PLEKHG1: variants seen among roughly 807,000 people sequenced by gnomAD.
PLEKHG1 encodes pleckstrin homology and RhoGEF domain containing G1, also known as pleckstrin homology domain-containing family G member 1.
PLEKHG1 carries 44 observed loss-of-function variants against 100.8 expected under a neutral mutation model. The observed-to-expected ratio is 0.44, with a 90% CI of 0.34 to 0.56. The LOEUF is 0.56. PLEKHG1 is among the 20% of genes least tolerant of loss of function. The pLI, the probability that PLEKHG1 is intolerant of heterozygous loss-of-function variation, is 0.01. For synonymous variants in PLEKHG1, 640 were observed against 662.5 expected (o/e 0.97, Z 0.52); for missense variants, 1,545 against 1,720.9 (o/e 0.90, Z 1.81).
intron 3 of PLEKHG1, among the ~76,000 whole-genome samples, chr6:150,779,363 T>TTTTTTTTTTTTTA: frequency 7.2e-6 from 1 of 138,678 alleles, no homozygotes; most frequent in African/African-American, 3.0e-5. Context: ...TTTTTTTTTT[T>TTTTTTTTTTTTTA]GAGACAGAGT....
intron 6 of PLEKHG1, 26 bp from the exon 8 acceptor site, chr6:150,804,584 A>C (rs1486559547): frequency 6.4e-7 from 1 of 1,552,664 alleles, no homozygotes; most frequent in Non-Finnish European, 8.7e-7. Context: ...GAAAAAAAAA[A>C]AAACCCTCGT....
intron 3 of PLEKHG1, among the ~76,000 whole-genome samples, chr6:150,712,053 C>A (rs1781258838): frequency 6.6e-6 from 1 of 152,168 alleles, no homozygotes; most frequent in Non-Finnish European, 1.5e-5. Flanking sequence ...ATTAGCTCAG[C>A]TGGTTCAAAC....
At chr6:150,648,907 T>G (rs76077246) in intron 2 of PLEKHG1, among the ~76,000 whole-genome samples, 1 of 152,148 alleles carries the variant, frequency 6.6e-6, no homozygotes, top group African/African-American at 2.4e-5. Context: ...TTTCATCTTT[T>G]CTGTTTCTGT....
intron 1 of PLEKHG1, among the ~76,000 whole-genome samples, chr6:150,602,897 C>T (rs12661737): frequency 0.72 from 109,258 of 151,322 alleles, 39,980 homozygotes; most frequent in Non-Finnish European, 0.79. Flanking sequence ...CTGGCTAACA[C>T]GGTGAAACCC....
At position 150,827,804 on chromosome 6, in the gene PLEKHG1, A is replaced by T. The variant is rs1776697788; in HGVS notation, c.1471-2778A>T. ...TCCTCCAGCAGTCAGTGGTGAAAAC[A>T]TATGAAGATATGACTTTGGAAGAGC... On this transcript the variant is annotated intron_variant, in intron 14 of 15. Transcript: ENST00000358517. 5 of 1,418,844 alleles carry T rather than the reference A, an allele frequency of 3.5e-6. No individual in the cohort carries two copies. In the East Asian group the frequency reaches 1.1e-4, roughly 32 times the overall value. The allele number at this position is 1,418,844 out of a possible 1,614,324, so 87.9% of individuals were successfully genotyped here.
intron 3 of PLEKHG1, among the ~76,000 whole-genome samples, chr6:150,670,877 C>CTT (rs1699552330): frequency 1.4e-5 from 2 of 145,522 alleles, no homozygotes; most frequent in South Asian, 4.6e-4. Flanking sequence ...TTGCCCCCCC[C>CTT]TCCCATTCTT....
At chr6:150,804,561 A>G (rs1180083348) in intron 6 of PLEKHG1, 49 bp from the exon 8 acceptor site, 1 of 1,464,612 alleles carries the variant, frequency 6.8e-7, no homozygotes. Context: ...CACTGTCTAT[A>G]TGAAAATAAA....
intron 2 of PLEKHG1, among the ~76,000 whole-genome samples, chr6:150,739,318 G>A (rs541900919): frequency 1.3e-5 from 2 of 152,214 alleles, no homozygotes; most frequent in Non-Finnish European, 1.5e-5. Context: ...TTATATGCCA[G>A]AGAGCTAATA....
intron 7 of PLEKHG1, among the ~76,000 whole-genome samples, chr6:150,807,601 A>G (rs1486012134): frequency 3.3e-5 from 5 of 152,208 alleles, no homozygotes; most frequent in East Asian, 1.9e-4. Context: ...TTATTTATCA[A>G]TTTCCATTAA....
intron 2 of PLEKHG1, among the ~76,000 whole-genome samples, chr6:150,747,550 A>AT (rs1482149764): frequency 6.6e-6 from 1 of 152,138 alleles, no homozygotes; most frequent in African/African-American, 2.4e-5. Flanking sequence ...CTTTCATGAA[A>AT]TTTTTTAAAT....
intron 2 of PLEKHG1, among the ~76,000 whole-genome samples, chr6:150,644,226 G>T (rs1459863112): frequency 6.6e-6 from 1 of 151,634 alleles, no homozygotes; most frequent in African/African-American, 2.4e-5. Context: ...AATTATATGT[G>T]CCTATAGCAT....
At chr6:150,678,690 T>C (rs1779840003) in intron 3 of PLEKHG1, among the ~76,000 whole-genome samples, 1 of 152,236 alleles carries the variant, frequency 6.6e-6, no homozygotes, top group Non-Finnish European at 1.5e-5. Context: ...AATGTAGAGT[T>C]CTAAAATTTT....
chr6:150,823,208 C>T (rs1776402586), intron 13 of PLEKHG1, among the ~76,000 whole-genome samples: 1 of 152,062 alleles, frequency 6.6e-6, no homozygotes, highest in Admixed American at 6.6e-5. Flanking sequence ...TAAATCTCTC[C>T]CCACAATTCC....
intron 2 of PLEKHG1, among the ~76,000 whole-genome samples, chr6:150,750,416 G>A (rs1783438596): frequency 6.6e-6 from 1 of 152,142 alleles, no homozygotes; most frequent in South Asian, 2.1e-4. Context: ...CGTTTTCCTT[G>A]AAGTTCTGCA....
intron 1 of PLEKHG1, among the ~76,000 whole-genome samples, chr6:150,625,290 C>A (rs1383723022): frequency 6.6e-6 from 1 of 152,058 alleles, no homozygotes; most frequent in Non-Finnish European, 1.5e-5. Flanking sequence ...GCTGGAATTC[C>A]AAGATGAAGG....
chr6:150,673,192 C>T (rs1359110928), intron 3 of PLEKHG1, among the ~76,000 whole-genome samples: 3 of 152,174 alleles, frequency 2.0e-5, no homozygotes, highest in African/African-American at 7.2e-5. Context: ...TTAGCATCCT[C>T]TCTAAAAGGG....
At chr6:150,763,546 A>G (rs1001354042) in intron 2 of PLEKHG1, among the ~76,000 whole-genome samples, 9 of 152,182 alleles carry the variant, frequency 5.9e-5, no homozygotes, top group Non-Finnish European at 2.9e-5. Flanking sequence ...ATGCCTTTCA[A>G]CCTTTCATCT....
chr6:150,603,649 C>A (rs1248222250), intron 1 of PLEKHG1, among the ~76,000 whole-genome samples: 3 of 151,952 alleles, frequency 2.0e-5, no homozygotes, highest in Non-Finnish European at 4.4e-5. Flanking sequence ...GGCTGAGTAT[C>A]TTTTCAATAT....
intron 3 of PLEKHG1, among the ~76,000 whole-genome samples, chr6:150,675,702 G>T (rs569701722): frequency 6.6e-6 from 1 of 152,310 alleles, no homozygotes; most frequent in East Asian, 1.9e-4. Context: ...GGCTAGGCTG[G>T]TCTCAAACTT....
Sources: allele counts gnomAD v4.1 joint callset (sites outside exome capture counted in the v4.1 genomes callset), GRCh38; gene constraint gnomAD v4.1.1; transcripts MANE v1.5; gene names NCBI Gene and HGNC (gene_info 2026-07-23, HGNC 2026-07-21).